Variants in SLC22A25 observed in about 807,000 individuals in gnomAD.
SLC22A25 encodes the protein solute carrier family 22 member 25, also known as MGI:2442751, MGI:2385316, MGI:3042283, MGI:3645714, MGI:3605624, MGI:2442750.
A neutral mutation model predicts 45.9 loss-of-function variants in SLC22A25; 44 were observed. That is an observed-to-expected ratio of 0.96 (90% confidence interval 0.75 to 1.23). SLC22A25 has a LOEUF of 1.23. Among genes scored for constraint, SLC22A25 ranks in the 50% most tolerant of loss-of-function variants. SLC22A25 has a pLI of 0.00. For missense variants in SLC22A25, 800 were observed against 666.4 expected (o/e 1.20, Z -2.21); for synonymous variants, 283 against 238.6 (o/e 1.19, Z -1.72).
At chr11:63,213,557 C>G (rs998591107) in intron 7 of SLC22A25, among the ~76,000 whole-genome samples, 1 of 152,162 alleles carries the variant, frequency 6.6e-6, no homozygotes, top group Non-Finnish European at 1.5e-5. Context: ...CTGTAGTCAC[C>G]TTAATGGAGC....
intron 5 of SLC22A25, among the ~76,000 whole-genome samples, chr11:63,221,480 A>AT (rs796135528): frequency 2.5e-4 from 38 of 151,836 alleles, no homozygotes; most frequent in African/African-American, 8.2e-4. Context: ...AAATTGTTAG[A>AT]TTTTTTTTCC....
chr11:63,177,773 A>C (rs1294996032), intron 9 of SLC22A25, among the ~76,000 whole-genome samples: 1 of 134,122 alleles, frequency 7.5e-6, no homozygotes, highest in Non-Finnish European at 1.6e-5. Context: ...CATTATATCT[A>C]TTTCTCTCTA....
intron 9 of SLC22A25, among the ~76,000 whole-genome samples, chr11:63,174,069 A>G (rs2087995890): frequency 6.6e-6 from 1 of 151,784 alleles, no homozygotes; most frequent in Non-Finnish European, 1.5e-5. Context: ...ACCCCCTGAC[A>G]GGCCCTGGTG....
intron 7 of SLC22A25, among the ~76,000 whole-genome samples, chr11:63,188,939 AT>A (rs2088679046): frequency 6.6e-6 from 1 of 151,992 alleles, no homozygotes; most frequent in Non-Finnish European, 1.5e-5. Flanking sequence ...GTTCTTTTAC[AT>A]TTGCTGAGGA....
At chr11:63,187,676 T>G (rs994451617) in intron 7 of SLC22A25, among the ~76,000 whole-genome samples, 1 of 152,332 alleles carries the variant, frequency 6.6e-6, no homozygotes, top group Non-Finnish European at 1.5e-5. Flanking sequence ...ATATTGGCTG[T>G]GGGTTTGTCA....
intron 1 of SLC22A25, among the ~76,000 whole-genome samples, chr11:63,242,811 T>C (rs1183945435): frequency 6.6e-6 from 1 of 152,152 alleles, no homozygotes; most frequent in African/African-American, 2.4e-5. Context: ...ATAAGGTTCC[T>C]TGGGACACAC....
At chr11:63,215,601 G>T (rs899070033) in intron 7 of SLC22A25, among the ~76,000 whole-genome samples, 1 of 152,052 alleles carries the variant, frequency 6.6e-6, no homozygotes, top group Non-Finnish European at 1.5e-5. Context: ...GTGGGCATAG[G>T]ACATGGACAG....
At chr11:63,232,844 G>C (rs1036501177) in intron 3 of SLC22A25, among the ~76,000 whole-genome samples, 10 of 152,162 alleles carry the variant, frequency 6.6e-5, no homozygotes, top group African/African-American at 2.4e-4. Context: ...TTAGCATGAA[G>C]TGTTGTTGCA....
At chr11:63,212,297 C>T (rs2089590755) in intron 7 of SLC22A25, among the ~76,000 whole-genome samples, 1 of 151,948 alleles carries the variant, frequency 6.6e-6, no homozygotes, top group African/African-American at 2.4e-5. Flanking sequence ...TACCATTTGA[C>T]CCAGCCATCC....
chr11:63,165,100 G>T (rs569372825), intron 10 of SLC22A25, among the ~76,000 whole-genome samples: 33 of 152,252 alleles, frequency 2.2e-4, no homozygotes, highest in Admixed American at 9.2e-4. Context: ...AGTCATAAAA[G>T]GACAGGGTTC....
At chr11:63,217,862 A>C in intron 5 of SLC22A25, 127 bp from the exon 6 acceptor site, 1 of 1,119,470 alleles carries the variant, frequency 8.9e-7, no homozygotes, top group South Asian at 1.7e-5. Flanking sequence ...AAAACGTTAA[A>C]GAATCAACAG....
intron 3 of SLC22A25, among the ~76,000 whole-genome samples, chr11:63,235,315 C>T (rs562972518): frequency 1.3e-5 from 2 of 152,296 alleles, no homozygotes; most frequent in African/African-American, 4.8e-5. Context: ...TCACATAGTC[C>T]CATATTTCTT....
At chr11:63,242,222 G>A (rs1440855957) in intron 1 of SLC22A25, among the ~76,000 whole-genome samples, 1 of 152,160 alleles carries the variant, frequency 6.6e-6, no homozygotes, top group African/African-American at 2.4e-5. Flanking sequence ...CAGAGAGCAG[G>A]TGGAAAAAAC....
At chr11:63,207,087 A>C (rs1020151471) in intron 7 of SLC22A25, among the ~76,000 whole-genome samples, 15 of 151,514 alleles carry the variant, frequency 9.9e-5, no homozygotes, top group Non-Finnish European at 2.2e-4. Flanking sequence ...TATACAGAAA[A>C]CTGAGGGGTC....
At chr11:63,197,441 A>T (rs929489187) in intron 7 of SLC22A25, among the ~76,000 whole-genome samples, 1 of 152,214 alleles carries the variant, frequency 6.6e-6, no homozygotes, top group African/African-American at 2.4e-5. Context: ...GAGTCCCCAG[A>T]TATAATACCA....
intron 7 of SLC22A25, among the ~76,000 whole-genome samples, chr11:63,205,929 A>G (rs2089389455): frequency 6.6e-6 from 1 of 152,162 alleles, no homozygotes; most frequent in African/African-American, 2.4e-5. Context: ...ATCCAGCAGC[A>G]CATCAAAAAG....
At chr11:63,199,330 A>G (rs1438291062) in intron 7 of SLC22A25, among the ~76,000 whole-genome samples, 2 of 152,148 alleles carry the variant, frequency 1.3e-5, no homozygotes, top group Non-Finnish European at 2.9e-5. Context: ...CTGGACACAT[A>G]AACCCTCCCA....
At chr11:63,175,779 C>T (rs1380702533) in intron 9 of SLC22A25, among the ~76,000 whole-genome samples, 1 of 151,362 alleles carries the variant, frequency 6.6e-6, no homozygotes, top group Non-Finnish European at 1.5e-5. Context: ...TTTGTGTGTG[C>T]TATAAGGAAA....
intron 7 of SLC22A25, among the ~76,000 whole-genome samples, chr11:63,184,204 A>G (rs1453502881): frequency 6.6e-6 from 1 of 152,150 alleles, no homozygotes; most frequent in Non-Finnish European, 1.5e-5. Flanking sequence ...TAATTGATGT[A>G]TGCTTGAGGC....
Sources: allele counts gnomAD v4.1 joint callset (sites outside exome capture counted in the v4.1 genomes callset), GRCh38; gene constraint gnomAD v4.1.1; transcripts MANE v1.5; gene names NCBI Gene and HGNC (gene_info 2026-07-23, HGNC 2026-07-21).